DAD1: variants seen among roughly 807,000 people sequenced by gnomAD.
The protein encoded by DAD1 is defender against cell death 1, also known as dolichyl-diphosphooligosaccharide--protein glycosyltransferase subunit DAD1.
DAD1 carries 4 observed loss-of-function variants against 9.0 expected under a neutral mutation model. That is an observed-to-expected ratio of 0.44 (90% confidence interval 0.22 to 1.01). The LOEUF is 1.01. Ranked by LOEUF, DAD1 falls within the 50% of genes least tolerant of loss-of-function variation. The probability of loss-of-function intolerance (pLI) is 0.24; values close to 1 mark genes in which losing one functional copy is unlikely to be tolerated. For missense variants in DAD1, 119 were observed against 137.3 expected, an observed-to-expected ratio of 0.87 and a Z score of 0.67; for synonymous variants, 60 against 62.5, an observed-to-expected ratio of 0.96 and a Z score of 0.19.
Position 22,585,244 on chromosome 14 carries a change from T to C in DAD1, c.211+3703A>G, listed in dbSNP as rs536121068. ...TTTTTTAAGACAAAATTACCTCATA[T>C]AGATTAGAGAACAGAACAGATGAAA... On this transcript the variant is annotated intron_variant, in intron 1 of 2. Coordinates refer to ENST00000250498, the MANE Select transcript of DAD1 (RefSeq NM_001344.4). Among the ~76,000 whole-genome samples the C allele has an allele frequency of 2.6e-4, 39 of 152,346 alleles. 1 individual carries two copies. Among genetic ancestry groups the C allele is most frequent in the Admixed American group, 1.8e-3 (28 of 15,302 alleles).
chr14:22,581,560 G>A (rs1000137365), intron 1 of DAD1, among the ~76,000 whole-genome samples: 2 of 149,968 alleles, frequency 1.3e-5, no homozygotes, highest in Admixed American at 6.7e-5. Context: ...TGACCAACAT[G>A]GAGAAACCCC....
intron 2 of DAD1, among the ~76,000 whole-genome samples, chr14:22,565,494 T>C (rs2036996825): frequency 6.6e-6 from 1 of 152,194 alleles, no homozygotes; most frequent in Admixed American, 6.5e-5. Flanking sequence ...GGTTGTAGTT[T>C]AACCTAAAGA....
At chr14:22,573,490 G>A (rs189187353) in intron 2 of DAD1, among the ~76,000 whole-genome samples, 6 of 151,900 alleles carry the variant, frequency 3.9e-5, no homozygotes, top group Admixed American at 1.3e-4. Context: ...CAAGGCGGGC[G>A]GATCACCAGG....
chr14:22,565,373 G>A (rs1384965), intron 2 of DAD1, among the ~76,000 whole-genome samples: 4 of 152,104 alleles, frequency 2.6e-5, no homozygotes, highest in Non-Finnish European at 4.4e-5. Flanking sequence ...AAAGCAAAAC[G>A]AACTAGGAAC....
At chr14:22,569,428 G>A (rs528549249) in intron 2 of DAD1, among the ~76,000 whole-genome samples, 114 of 126,292 alleles carry the variant, frequency 9.0e-4, no homozygotes, top group African/African-American at 3.1e-3. Flanking sequence ...GCGAGACTCC[G>A]TCTCAAAAAA....
Position 22,589,091 on chromosome 14 carries a change from G to A in DAD1, c.67C>T (p.Arg23Cys), listed in dbSNP as rs2037174165. The change falls in exon 1 of 3, where the codon CGT (arginine) becomes TGT (cysteine). Residue 23 changes from arginine to cysteine, a missense_variant. Physicochemically the swap from Arg to Cys is radical, Grantham distance 180. Transcript: ENST00000250498. ...AGGTACGCGTCCAGCAACTTCAGACGCTGCGGAGTGGAGCTCAAGTACTCT... is the reference window on the plus strand; with the variant it reads ...AGGTACGCGTCCAGCAACTTCAGACACTGCGGAGTGGAGCTCAAGTACTCT... The part of the protein sequence containing the change: ...LEEYLSSTPQ[R>C]LKLLDAYLLY... The A allele has an allele frequency of 6.2e-7, 1 of 1,614,222 alleles. No individual in the cohort carries two copies. The highest frequency in any genetic ancestry group is 8.5e-7 in the Non-Finnish European group (1 of 1,180,038).
chr14:22,587,599 C>T (rs148324627), intron 1 of DAD1, among the ~76,000 whole-genome samples: 2 of 152,294 alleles, frequency 1.3e-5, no homozygotes, highest in African/African-American at 2.4e-5. Context: ...AAAGGCTAAT[C>T]TGCAACTTCA....
rs183034297 is a variant in DAD1 at position 22,579,216 on chromosome 14, T to C, written c.212-3983A>G. Among the ~76,000 whole-genome samples the C allele has an allele frequency of 1.9e-3, 264 of 142,420 alleles. 1 individual carries two copies. Among genetic ancestry groups the C allele is most frequent in the African/African-American group, 7.0e-3 (242 of 34,806 alleles). 93.4% of individuals were successfully genotyped at this position (142,420 alleles called of 152,430 possible). ...CCCTTGAAGATTCTAACAGTCACCATTGACAAAAAAAAAAAAACAGGCAGT... is the reference window on the plus strand; with the variant it reads ...CCCTTGAAGATTCTAACAGTCACCACTGACAAAAAAAAAAAAACAGGCAGT... On this transcript the variant is annotated intron_variant, in intron 1 of 2. Coordinates refer to ENST00000250498, the MANE Select transcript of DAD1 (RefSeq NM_001344.4).
chr14:22,573,957 T>G (rs1166127716), intron 2 of DAD1, among the ~76,000 whole-genome samples: 1 of 152,180 alleles, frequency 6.6e-6, no homozygotes, highest in African/African-American at 2.4e-5. Context: ...ACTCTTATAC[T>G]AGATTTCTGC....
chr14:22,577,876 G>A (rs1470996664), intron 1 of DAD1, among the ~76,000 whole-genome samples: 1 of 152,122 alleles, frequency 6.6e-6, no homozygotes, highest in Non-Finnish European at 1.5e-5. Context: ...TTACAACAAT[G>A]TACATGTACT....
At position 22,567,211 on chromosome 14, in the gene DAD1, C is replaced by T. The variant is rs553742571; in HGVS notation, c.*45-2074G>A. On this transcript the variant is annotated intron_variant, in intron 2 of 2. Coordinates refer to ENST00000250498, the MANE Select transcript of DAD1 (RefSeq NM_001344.4). ...ACACAAAGAACTGTTAAAAATGACG[C>T]TGTAGAGATAGAAAAGATAATGCCA... 4 of 152,332 alleles carry T rather than the reference C, an allele frequency of 2.6e-5. No homozygotes were observed. In the East Asian group the frequency reaches 5.8e-4, roughly 22 times the overall value. The allele number at this position is 152,332 out of a possible 1,614,324, so 9.4% of individuals were successfully genotyped here. A position where few individuals can be genotyped will look rare whatever the true frequency, so the allele number is the denominator to read the frequency against.
chr14:22,584,339 A>C (rs1353024082), intron 1 of DAD1, among the ~76,000 whole-genome samples: 1 of 152,102 alleles, frequency 6.6e-6, no homozygotes, highest in African/African-American at 2.4e-5. Flanking sequence ...ACAATGCCAT[A>C]TCTCTCTCAC....
At chr14:22,573,538 G>A (rs564531586) in intron 2 of DAD1, among the ~76,000 whole-genome samples, 3 of 151,826 alleles carry the variant, frequency 2.0e-5, no homozygotes, top group East Asian at 1.9e-4. Flanking sequence ...GTGAAACTCC[G>A]TCTCTACTAA....
intron 1 of DAD1, among the ~76,000 whole-genome samples, chr14:22,587,451 G>A (rs1299895445): frequency 1.3e-5 from 2 of 152,126 alleles, no homozygotes; most frequent in Non-Finnish European, 2.9e-5. Context: ...GTGGGTGGTG[G>A]AGAATACTTA....
intron 2 of DAD1, among the ~76,000 whole-genome samples, chr14:22,567,905 T>C (rs529385373): frequency 6.6e-6 from 1 of 152,274 alleles, no homozygotes; most frequent in East Asian, 1.9e-4. Flanking sequence ...TTCCTATCAA[T>C]CTCTGCCAAA....
chr14:22,578,432 G>A (rs2037093094), intron 1 of DAD1, among the ~76,000 whole-genome samples: 1 of 152,122 alleles, frequency 6.6e-6, no homozygotes, highest in Admixed American at 6.5e-5. Flanking sequence ...TGGGCATGGT[G>A]GCACGCACCT....
chr14:22,569,954 C>T (rs1272603985), intron 2 of DAD1, among the ~76,000 whole-genome samples: 3 of 151,978 alleles, frequency 2.0e-5, no homozygotes, highest in African/African-American at 4.8e-5. Context: ...GGCAACGTAG[C>T]GAGACCCCAG....
chr14:22,581,731 A>G (rs8021016), intron 1 of DAD1, among the ~76,000 whole-genome samples: 11,285 of 140,212 alleles, frequency 0.08, 927 homozygotes, highest in African/African-American at 0.2. Context: ...CAACAAGAGC[A>G]AAACTCCATC....
chr14:22,576,862 T>C (rs1468830299), intron 1 of DAD1, among the ~76,000 whole-genome samples: 1 of 152,132 alleles, frequency 6.6e-6, no homozygotes, highest in African/African-American at 2.4e-5. Flanking sequence ...CCAACAAGCA[T>C]ATGAAAAGAT....
Sources: gnomAD v4.1 joint callset for allele counts (sites outside exome capture counted in the v4.1 genomes callset) on GRCh38, gnomAD v4.1.1 for gene constraint, MANE v1.5 for transcripts, NCBI Gene and HGNC (gene_info 2026-07-23, HGNC 2026-07-21) for gene names.